Variants in ZIK1 observed in about 807,000 individuals in gnomAD.
ZIK1 encodes the protein zinc finger protein interacting with K protein 1, also known as zinc finger protein interacting with ribonucleoprotein K.
A neutral mutation model predicts 10.7 loss-of-function variants in ZIK1; 12 were observed. The observed-to-expected ratio is 1.12, with a 90% CI of 0.72 to 1.81. ZIK1 has a LOEUF of 1.81. Ranked by LOEUF, ZIK1 falls within the 40% of genes most tolerant of loss-of-function variation. ZIK1 has a pLI of 0.00. For missense variants in ZIK1, 497 were observed against 585.7 expected (o/e 0.85, Z 1.56); for synonymous variants, 190 against 205.0 (o/e 0.93, Z 0.63).
At chr19:57,584,456 T>C in intron 1 of ZIK1, 67 bp downstream of exon 1, 3 of 1,560,554 alleles carry the variant, frequency 1.9e-6, no homozygotes, top group Non-Finnish European at 2.6e-6. Context: ...GTCACTACGG[T>C]CGAGATCCTC....
At position 57,590,377 on chromosome 19, in the gene ZIK1, C is replaced by G; in HGVS notation, c.566C>G (p.Pro189Arg). ...MLRLLRSLVF[P>R]GGKKPGTITE... ...CGGCTTCTGAGGTCCCTGGTCTTTC[C>G]TGGAGGCAAGAAACCCGGCACAATT... The change falls in exon 4 of 4, where the codon CCT (proline) becomes CGT (arginine). Residue 189 changes from proline to arginine, a missense_variant. By Grantham distance (103) the Pro-to-Arg change is moderately radical (BLOSUM62 -2). Transcript: ENST00000597850. 6.2e-7 allele frequency: 1 copy of G among 1,614,170 alleles called. No homozygotes were observed. The highest frequency in any genetic ancestry group is 8.5e-7 in the Non-Finnish European group (1 of 1,180,022).
chr19:57,590,409 T>A lies in ZIK1; in HGVS notation c.598T>A (p.Cys200Ser). 6.2e-7 allele frequency: 1 copy of A among 1,614,116 alleles called. No homozygotes were observed. The highest frequency in any genetic ancestry group is 8.5e-7 in the Non-Finnish European group (1 of 1,179,996). ...CAAGAAACCCGGCACAATTACTGAA[T>A]GTGGGGAGGACATTCGCAGTCAAAA... ...GGKKPGTITE[C>S]GEDIRSQKSH... is the part of the protein sequence containing the mutation. Residue 200 changes from cysteine (C) to serine (S), a missense_variant, in exon 4 of 4, where the codon TGT (cysteine) becomes AGT (serine). Cys to Ser is a moderately radical substitution (Grantham distance 112, BLOSUM62 -1). Transcript: ENST00000597850.
In ZIK1 at chr19:57,590,206, A is replaced by G; in HGVS notation, c.395A>G (p.His132Arg). The change falls in exon 4 of 4, where the codon CAT (histidine) becomes CGT (arginine). Residue 132 changes from histidine (H) to arginine (R), a missense_variant. His to Arg is a conservative substitution (Grantham distance 29). Transcript: ENST00000597850. ...TACTTGGTTGGAGAATGTACAAACC[A>G]TCACCAGCACCAGAAGCATCACAGT... The part of the protein sequence containing the change: ...KPYLVGECTN[H>R]HQHQKHHSAK... The G allele has an allele frequency of 1.2e-6, 2 of 1,614,220 alleles. No individual in the cohort carries two copies. The highest frequency in any genetic ancestry group is 1.1e-5 in the South Asian group (1 of 91,090).
At position 57,592,559 on chromosome 19, in the gene ZIK1, C is replaced by T. The variant is rs370869250; in HGVS notation, c.*1284C>T. ...ATAAAGATAACAGAAGTCCTATAGG[C>T]CAGGGATGTATTGATAGCTCTTGTG... On this transcript the variant is annotated 3_prime_UTR_variant, in exon 4 of 4. Coordinates refer to ENST00000597850, the MANE Select transcript of ZIK1 (RefSeq NM_001010879.4). 3.9e-5 allele frequency: 6 copies of T among 152,142 alleles called. No individual in the cohort carries two copies. Among genetic ancestry groups the T allele is most frequent in the East Asian group, 3.8e-4 (2 of 5,198 alleles). The allele number at this position is 152,142 out of a possible 1,614,324, so 9.4% of individuals were successfully genotyped here.
chr19:57,593,573 G>C lies in ZIK1; in HGVS notation c.*2298G>C, dbSNP rs1223899382. On this transcript the variant is annotated 3_prime_UTR_variant, in exon 4 of 4. Coordinates refer to ENST00000597850, the MANE Select transcript of ZIK1 (RefSeq NM_001010879.4). ...TGTACGTGAATGCGTCACTTTTAAA[G>C]ACAAGGCCAGACTATAACCTAACTG... The C allele has an allele frequency of 2.0e-5, 3 of 152,046 alleles. No individual in the cohort carries two copies. The highest frequency in any genetic ancestry group is 7.2e-5 in the African/African-American group (3 of 41,388). 9.4% of individuals were successfully genotyped at this position (152,046 alleles called of 1,614,324 possible). A position where few individuals can be genotyped will look rare whatever the true frequency, so the allele number is the denominator to read the frequency against.
In ZIK1 at chr19:57,591,272, A is replaced by G. The variant is rs780735379; in HGVS notation, c.1461A>G (p.Thr487=). ...SLIHHQKCHN[T] is the part of the protein sequence containing the mutation. ...TACATCACCAAAAATGTCATAACAC[A>G]TAGAGGCCTCATGAATGCAGCAAAT... Residue 487 remains threonine (T), a synonymous_variant, in exon 4 of 4, where the codon ACA becomes ACG. Coordinates refer to ENST00000597850, the MANE Select transcript of ZIK1 (RefSeq NM_001010879.4). 4 of 1,602,232 alleles carry G rather than the reference A, an allele frequency of 2.5e-6. No homozygotes were observed. The highest frequency in any genetic ancestry group is 3.3e-4 in the Middle Eastern group (2 of 5,994).
rs1192386850 is a variant in ZIK1 at position 57,588,634 on chromosome 19, G to C, written c.168G>C (p.Met56Ile). 1 of 1,581,090 alleles carries C rather than the reference G, an allele frequency of 6.3e-7. No individual in the cohort carries two copies. Among genetic ancestry groups the C allele is most frequent in the African/African-American group, 1.3e-5 (1 of 74,134 alleles). Residue 56 changes from methionine to isoleucine, a missense_variant, in exon 3 of 4, where the codon ATG (methionine) becomes ATC (isoleucine). Coordinates refer to ENST00000597850, the MANE Select transcript of ZIK1 (RefSeq NM_001010879.4). ...AGAGACTCCTGTACCTTGAAGTGAT[G>C]CTGGAGAACTTTGCCCTTGTAGCCT... ...EAQRLLYLEV[M>I]LENFALVASL... is the part of the protein sequence containing the mutation.
Position 57,591,009 on chromosome 19 carries a change from G to A in ZIK1, c.1198G>A (p.Val400Ile). The part of the protein sequence containing the change: ...QKATLIKHQR[V>I]HTGERPYKCG... ...AGCTACCCTCATTAAACACCAGAGAGTTCACACTGGAGAAAGGCCTTATAA... is the reference window on the plus strand; with the variant it reads ...AGCTACCCTCATTAAACACCAGAGAATTCACACTGGAGAAAGGCCTTATAA... Residue 400 changes from valine (V) to isoleucine (I), a missense_variant, in exon 4 of 4, where the codon GTT becomes ATT. Coordinates refer to ENST00000597850, the MANE Select transcript of ZIK1 (RefSeq NM_001010879.4). 1.2e-6 allele frequency: 2 copies of A among 1,613,970 alleles called. No homozygotes were observed. Among genetic ancestry groups the A allele is most frequent in the South Asian group, 1.1e-5 (1 of 91,074 alleles).
At position 57,584,164 on chromosome 19, in the gene ZIK1, G is replaced by T; in HGVS notation, c.-193G>T. 1 of 1,102,726 alleles carries T rather than the reference G, an allele frequency of 9.1e-7. No individual in the cohort carries two copies. Among genetic ancestry groups the T allele is most frequent in the Non-Finnish European group, 1.2e-6 (1 of 802,994 alleles). 68.3% of individuals were successfully genotyped at this position (1,102,726 alleles called of 1,614,324 possible). ...CACTTCAGTGGCGGTCATTTTTGCA[G>T]CGCTTGGGTGCATCCAGACCGTCAG... is the stretch of plus-strand genomic sequence containing the variant. On this transcript the variant is annotated 5_prime_UTR_variant, in exon 1 of 4. Transcript: ENST00000597850.
Position 57,584,203 on chromosome 19 carries a change from C to T in ZIK1, c.-154C>T. 1 of 1,392,128 alleles carries T rather than the reference C, an allele frequency of 7.2e-7. No individual in the cohort carries two copies. The highest frequency in any genetic ancestry group is 1.5e-5 in the South Asian group (1 of 68,380). 86.2% of individuals were successfully genotyped at this position (1,392,128 alleles called of 1,614,324 possible). A position where few individuals can be genotyped will look rare whatever the true frequency, so the allele number is the denominator to read the frequency against. The stretch of plus-strand genomic sequence containing the variant: ...CCAGACCGTCAGAGCTTTGGGAGCG[C>T]TTTGTTTGGCGACAGTCGGAAGGCG... On this transcript the variant is annotated 5_prime_UTR_variant, in exon 1 of 4. Transcript: ENST00000597850.
intron 3 of ZIK1, among the ~76,000 whole-genome samples, chr19:57,588,938 G>C (rs1979411582): frequency 6.6e-6 from 1 of 151,922 alleles, no homozygotes; most frequent in Admixed American, 6.5e-5. Flanking sequence ...GACACCTTGT[G>C]TCCCAAGTTC....
chr19:57,588,738 A>G, intron 3 of ZIK1, 73 bp downstream of exon 3: 1 of 1,365,138 alleles, frequency 7.3e-7, no homozygotes, highest in Non-Finnish European at 9.6e-7. Context: ...CTTTCTTGGG[A>G]TATGTGCTAT....
chr19:57,588,078 C>T (rs367611881), intron 2 of ZIK1, among the ~76,000 whole-genome samples: 7 of 152,084 alleles, frequency 4.6e-5, no homozygotes, highest in Admixed American at 2.6e-4. Context: ...ACAGTAGGAA[C>T]CATCAGAGGT....
At chr19:57,584,488 C>T (rs887135090) in intron 1 of ZIK1, 99 bp downstream of exon 1, 3 of 1,460,610 alleles carry the variant, frequency 2.1e-6, no homozygotes, top group Non-Finnish European at 2.7e-6. Flanking sequence ...AGTGGGGGCT[C>T]GTGGGTGGGG....
chr19:57,588,493 C>A, intron 2 of ZIK1, 46 bp from the exon 3 acceptor site: 1 of 1,394,084 alleles, frequency 7.2e-7, no homozygotes, highest in Middle Eastern at 1.9e-4. Context: ...GGTGGATGAA[C>A]TTGTGGAGGC....
Position 57,590,708 on chromosome 19 carries a change from A to G in ZIK1, c.897A>G (p.Glu299=), listed in dbSNP as rs1337243194. 1.2e-6 allele frequency: 2 copies of G among 1,614,136 alleles called. No homozygotes were observed. The highest frequency in any genetic ancestry group is 1.7e-6 in the Non-Finnish European group (2 of 1,180,026). ...HTGERPYECS[E]CGKLFRQNSS... ...GAGAAAGGCCTTATGAGTGCAGCGAATGTGGAAAATTATTTAGACAAAACT... is the reference window on the plus strand; with the variant it reads ...GAGAAAGGCCTTATGAGTGCAGCGAGTGTGGAAAATTATTTAGACAAAACT... Residue 299 remains glutamate (E), a synonymous_variant, in exon 4 of 4, where the codon GAA becomes GAG. Coordinates refer to ENST00000597850, the MANE Select transcript of ZIK1 (RefSeq NM_001010879.4).
chr19:57,586,771 C>A (rs1477263363), intron 2 of ZIK1, among the ~76,000 whole-genome samples: 1 of 152,078 alleles, frequency 6.6e-6, no homozygotes, highest in East Asian at 1.9e-4. Flanking sequence ...CCAGACTTTC[C>A]CATATTTTCC....
chr19:57,592,368 T>A lies in ZIK1; in HGVS notation c.*1093T>A, dbSNP rs1015285851. 2.6e-5 allele frequency: 4 copies of A among 152,202 alleles called. No individual in the cohort carries two copies. Among genetic ancestry groups the A allele is most frequent in the Admixed American group, 6.5e-5 (1 of 15,284 alleles). The allele number at this position is 152,202 out of a possible 1,614,324, so 9.4% of individuals were successfully genotyped here. ...CTTATAAAAGTACATTTACAAATCTTCCCGTGACTGTGGCTTTGAGCAGTC... is the reference window on the plus strand; with the variant it reads ...CTTATAAAAGTACATTTACAAATCTACCCGTGACTGTGGCTTTGAGCAGTC... On this transcript the variant is annotated 3_prime_UTR_variant, in exon 4 of 4. Coordinates refer to ENST00000597850, the MANE Select transcript of ZIK1 (RefSeq NM_001010879.4).
In ZIK1 at chr19:57,585,182, A is replaced by G. The variant is rs560850184; in HGVS notation, c.72+192A>G. On this transcript the variant is annotated intron_variant, in intron 2 of 3. Coordinates refer to ENST00000597850, the MANE Select transcript of ZIK1 (RefSeq NM_001010879.4). ...GGCAGACAATGGAATGAGGTGTGAA[A>G]GGTTGCCCCGCCTACGTACAATAAT... Among the ~76,000 whole-genome samples, 3 of 152,330 alleles carry G rather than the reference A, an allele frequency of 2.0e-5. No individual in the cohort carries two copies. The East Asian group carries it at 5.8e-4, about 29-fold the overall frequency.
Sources: allele counts gnomAD v4.1 joint callset (sites outside exome capture counted in the v4.1 genomes callset), GRCh38; gene constraint gnomAD v4.1.1; transcripts MANE v1.5; gene names NCBI Gene and HGNC (gene_info 2026-07-23, HGNC 2026-07-21).